Variants in NCOA1 observed in about 807,000 individuals in gnomAD.
NCOA1 encodes the protein nuclear receptor coactivator 1.
In NCOA1, 35 loss-of-function variants were observed where a neutral mutation model predicts 150.9. That is an observed-to-expected ratio of 0.23 (90% CI 0.18 to 0.31). NCOA1 has a LOEUF of 0.31. Ranked by LOEUF, NCOA1 falls within the 10% of genes least tolerant of loss-of-function variation. NCOA1 has a pLI of 1.00. For synonymous variants in NCOA1, 590 were observed against 630.0 expected, an observed-to-expected ratio of 0.94 and a Z score of 0.95; for missense variants, 1,491 against 1,749.3, an observed-to-expected ratio of 0.85 and a Z score of 2.63.
At chr2:24,663,601 G>A (rs1671282866) in intron 5 of NCOA1, among the ~76,000 whole-genome samples, 2 of 152,164 alleles carry the variant, frequency 1.3e-5, no homozygotes, top group Non-Finnish European at 2.9e-5. Context: ...AAAGGGATTC[G>A]TAAAGAGAGA....
At chr2:24,515,533 C>T (rs1262080622) in intron 1 of NCOA1, among the ~76,000 whole-genome samples, 6 of 152,236 alleles carry the variant, frequency 3.9e-5, no homozygotes, top group African/African-American at 1.4e-4. Flanking sequence ...TCACTGTGCC[C>T]GGCCTTTGGC....
intron 2 of NCOA1, among the ~76,000 whole-genome samples, chr2:24,575,096 C>CT (rs1666900559): frequency 1.3e-5 from 2 of 151,174 alleles, no homozygotes; most frequent in African/African-American, 2.4e-5. Flanking sequence ...TTTTTTTCCT[C>CT]TGTTTTTTGG....
At chr2:24,760,927 A>C (rs140970250) in intron 21 of NCOA1, among the ~76,000 whole-genome samples, 17 of 152,188 alleles carry the variant, frequency 1.1e-4, no homozygotes, top group Non-Finnish European at 1.2e-4. Flanking sequence ...CACTCACTGT[A>C]ACCTCCACCT....
rs1665216508 is a variant in NCOA1 at position 24,769,263 on chromosome 2, T to A, written c.*872T>A. The A allele has an allele frequency of 5.3e-6, 1 of 189,340 alleles. No homozygotes were observed. Among genetic ancestry groups the A allele is most frequent in the African/African-American group, 2.3e-5 (1 of 42,906 alleles). The allele number at this position is 189,340 out of a possible 1,614,324, so 11.7% of individuals were successfully genotyped here. Reference sequence around the variant, plus strand: ...TGATCCAAGTAGCTTATTTTTCCCTTTAAATCTCATTGTAAATATATTTGA... The same window carrying A: ...TGATCCAAGTAGCTTATTTTTCCCTATAAATCTCATTGTAAATATATTTGA... On this transcript the variant is annotated 3_prime_UTR_variant, in exon 23 of 23. Coordinates refer to ENST00000348332, the MANE Select transcript of NCOA1 (RefSeq NM_003743.5).
At chr2:24,556,710 T>A (rs534205169) in intron 1 of NCOA1, among the ~76,000 whole-genome samples, 155 of 152,222 alleles carry the variant, frequency 1.0e-3, no homozygotes, top group African/African-American at 3.7e-3. Context: ...ATGGCTATTA[T>A]TAAAAAGTCA....
chr2:24,524,337 C>T (rs1486837176), intron 1 of NCOA1, among the ~76,000 whole-genome samples: 1 of 152,120 alleles, frequency 6.6e-6, no homozygotes, highest in African/African-American at 2.4e-5. Flanking sequence ...ACTCTGTCGC[C>T]CAGGCTGGTG....
intron 2 of NCOA1, among the ~76,000 whole-genome samples, chr2:24,579,514 C>T (rs1667115907): frequency 6.6e-6 from 1 of 152,138 alleles, no homozygotes; most frequent in Non-Finnish European, 1.5e-5. Flanking sequence ...GGTCCCCAAA[C>T]CCTGATGAGA....
At chr2:24,576,836 A>C (rs1438542914) in intron 2 of NCOA1, among the ~76,000 whole-genome samples, 1 of 152,186 alleles carries the variant, frequency 6.6e-6, no homozygotes, top group Admixed American at 6.5e-5. Context: ...CACTTCATGC[A>C]TTCTCCTCTC....
intron 3 of NCOA1, among the ~76,000 whole-genome samples, chr2:24,639,916 G>GTATGTATA (rs1558864239): frequency 5.0e-4 from 15 of 29,714 alleles, no homozygotes; most frequent in Non-Finnish European, 1.7e-3. Flanking sequence ...ATGTGTGTGT[G>GTATGTATA]TATATATATA....
Position 24,564,133 on chromosome 2 carries a change from T to A in NCOA1, c.-395-162T>A, listed in dbSNP as rs192084749. Among the ~76,000 whole-genome samples, 909 of 152,352 alleles carry A rather than the reference T, an allele frequency of 6.0e-3. 5 individuals carry two copies. The highest frequency in any genetic ancestry group is 0.019 in the African/African-American group (808 of 41,600). On this transcript the variant is annotated intron_variant, in intron 1 of 22. Coordinates refer to ENST00000348332, the MANE Select transcript of NCOA1 (RefSeq NM_003743.5). ...TACCTTTAATATTTAAATTAATTTT[T>A]AAAAACTTGTTAGTAGTGACAAGAA...
intron 11 of NCOA1, among the ~76,000 whole-genome samples, chr2:24,698,643 A>G (rs535318923): frequency 1.3e-5 from 2 of 152,320 alleles, no homozygotes; most frequent in South Asian, 4.1e-4. Context: ...GTAGCCTAAC[A>G]TTCTTTTTCC....
In NCOA1 at chr2:24,571,519, C is replaced by A. The variant is rs73920097; in HGVS notation, c.-260+7089C>A. Among the ~76,000 whole-genome samples, 1,215 of 152,206 alleles carry A rather than the reference C, an allele frequency of 8.0e-3. 21 individuals are homozygous for A. Among genetic ancestry groups the A allele is most frequent in the African/African-American group, 0.028 (1,147 of 41,532 alleles). ...GTAGACATTAACTTGCAAAGGTTACCCAGGTGCTATGTTTTAGAGCTGGGA... is the reference window on the plus strand; with the variant it reads ...GTAGACATTAACTTGCAAAGGTTACACAGGTGCTATGTTTTAGAGCTGGGA... On this transcript the variant is annotated intron_variant, in intron 2 of 22. Transcript: ENST00000348332.
chr2:24,719,335 A>C (rs1558313138), intron 14 of NCOA1, among the ~76,000 whole-genome samples: 1 of 152,158 alleles, frequency 6.6e-6, no homozygotes, highest in Non-Finnish European at 1.5e-5. Flanking sequence ...AGGTGATAGA[A>C]ATATTCTGTT....
intron 14 of NCOA1, among the ~76,000 whole-genome samples, chr2:24,717,742 A>G (rs547572121): frequency 1.3e-5 from 2 of 152,170 alleles, no homozygotes; most frequent in Admixed American, 6.5e-5. Flanking sequence ...TTTAGTTAAT[A>G]CTAATGTGTC....
intron 3 of NCOA1, among the ~76,000 whole-genome samples, chr2:24,596,936 C>G (rs1333376316): frequency 2.6e-5 from 4 of 152,146 alleles, no homozygotes; most frequent in Non-Finnish European, 5.9e-5. Context: ...CTTCAATATT[C>G]TAAATCCTAT....
At position 24,707,819 on chromosome 2, in the gene NCOA1, A is replaced by G. The variant is rs1482527934; in HGVS notation, c.2349A>G (p.Pro783=). The G allele has an allele frequency of 1.2e-6, 2 of 1,614,116 alleles. No homozygotes were observed. Among genetic ancestry groups the G allele is most frequent in the Admixed American group, 1.7e-5 (1 of 60,012 alleles). Residue 783 remains proline, a synonymous_variant, in exon 13 of 23, where the codon CCA becomes CCG. Coordinates refer to ENST00000348332, the MANE Select transcript of NCOA1 (RefSeq NM_003743.5). ...VKVEKKEQMD[P]CNTNPTPMTK... ...TGGAAAAGAAAGAACAGATGGATCC[A>G]TGTAATACAAACCCAACCCCAATGA...
At position 24,565,166 on chromosome 2, in the gene NCOA1, A is replaced by G. The variant is rs137982056; in HGVS notation, c.-260+736A>G. Among the ~76,000 whole-genome samples, 462 of 152,336 alleles carry G rather than the reference A, an allele frequency of 3.0e-3. 1 individual carries two copies. Among genetic ancestry groups the G allele is most frequent in the Non-Finnish European group, 3.9e-3 (266 of 68,026 alleles). ...CATGGGGTGGATCCCCACTTGAAAG[A>G]CTACATAAGACAAATAAAACAAAAA... On this transcript the variant is annotated intron_variant, in intron 2 of 22. Transcript: ENST00000348332.
rs1436216299 is a variant in NCOA1 at position 24,629,913 on chromosome 2, G to T, written c.-174-14053G>T. On this transcript the variant is annotated intron_variant, in intron 3 of 22. Transcript: ENST00000348332. ...CGCTGGAGTCCAGTGGCGTGATCTC[G>T]GCTCACTGCAAGCTCCGCCTCCTGG... is the stretch of plus-strand genomic sequence containing the variant. 2.7e-5 allele frequency among the ~76,000 whole-genome samples: 4 copies of T among 145,598 alleles called. 1 individual carries two copies. In the Admixed American group the frequency reaches 2.8e-4, roughly 10 times the overall value.
In NCOA1 at chr2:24,549,195, A is replaced by G. The variant is rs552610397; in HGVS notation, c.-395-15100A>G. 5.9e-5 allele frequency among the ~76,000 whole-genome samples: 9 copies of G among 152,306 alleles called. No homozygotes were observed. The South Asian group carries it at 8.3e-4, about 14-fold the overall frequency. ...TCTGTGCACTCACAGGCTCAACACCATGTGTAAGCTGCTAAGGCTTGGGGC... is the reference window on the plus strand; with the variant it reads ...TCTGTGCACTCACAGGCTCAACACCGTGTGTAAGCTGCTAAGGCTTGGGGC... On this transcript the variant is annotated intron_variant, in intron 1 of 22. Coordinates refer to ENST00000348332, the MANE Select transcript of NCOA1 (RefSeq NM_003743.5).
Sources: allele counts gnomAD v4.1 joint callset (sites outside exome capture counted in the v4.1 genomes callset), GRCh38; gene constraint gnomAD v4.1.1; transcripts MANE v1.5; gene names NCBI Gene and HGNC (gene_info 2026-07-23, HGNC 2026-07-21).